The following NR3C2 variants were observed in gnomAD, a reference collection of about 807,000 sequenced individuals.
NR3C2 encodes the protein nuclear receptor subfamily 3 group C member 2, also known as mineralocorticoid receptor.
NR3C2 carries 15 observed loss-of-function variants against 86.4 expected under a neutral mutation model. The observed-to-expected ratio is 0.17, with a 90% CI of 0.12 to 0.27. NR3C2 has a LOEUF of 0.27. NR3C2 is among the 10% of genes least tolerant of loss of function. NR3C2 has a pLI of 1.00. For synonymous variants in NR3C2, 458 were observed against 450.5 expected (o/e 1.02, Z -0.21); for missense variants, 960 against 1,195.6 (o/e 0.80, Z 2.91).
intron 4 of NR3C2, among the ~76,000 whole-genome samples, chr4:148,170,283 C>A (rs1735063620): frequency 6.6e-6 from 1 of 151,982 alleles, no homozygotes; most frequent in African/African-American, 2.4e-5. Context: ...GTTGTTAAAG[C>A]AAGAATAGTG....
intron 2 of NR3C2, among the ~76,000 whole-genome samples, chr4:148,392,454 A>G (rs1289499305): frequency 6.6e-6 from 1 of 152,236 alleles, no homozygotes; most frequent in Admixed American, 6.5e-5. Context: ...CTTCTAAAGC[A>G]GTGATTCGGA....
chr4:148,203,224 T>C lies in NR3C2; in HGVS notation c.1898-8362A>G, dbSNP rs76938751. ...TCAAACATGGGAACTATATGTTTCG[T>C]AGAGCACCAAACTGGCTGCAAGTAC... On this transcript the variant is annotated intron_variant, in intron 3 of 8. Coordinates refer to ENST00000358102, the MANE Select transcript of NR3C2 (RefSeq NM_000901.5). Among the ~76,000 whole-genome samples, 1,152 of 152,192 alleles carry C rather than the reference T, an allele frequency of 7.6e-3. 10 individuals are homozygous for C. The highest frequency in any genetic ancestry group is 0.026 in the African/African-American group (1,068 of 41,514).
intron 6 of NR3C2, among the ~76,000 whole-genome samples, chr4:148,130,607 A>G (rs1732973518): frequency 6.6e-6 from 1 of 152,168 alleles, no homozygotes; most frequent in Non-Finnish European, 1.5e-5. Flanking sequence ...TGCATAGGTC[A>G]ACAATTATGT....
chr4:148,442,384 A>T lies in NR3C2; in HGVS notation c.-227T>A, dbSNP rs1195082307. On this transcript the variant is annotated 5_prime_UTR_variant, in exon 1 of 9. Coordinates refer to ENST00000358102, the MANE Select transcript of NR3C2 (RefSeq NM_000901.5). ...AAGTTGGCTCCCGTCTCCCGGGCCC[A>T]ATGACACCCCGGGCGCGGAGGGGCT... 2.6e-5 allele frequency: 4 copies of T among 153,306 alleles called. No homozygotes were observed. Among genetic ancestry groups the T allele is most frequent in the African/African-American group, 7.2e-5 (3 of 41,438 alleles). 9.5% of individuals were successfully genotyped at this position (153,306 alleles called of 1,614,324 possible).
At chr4:148,356,777 C>T (rs1223754711) in intron 2 of NR3C2, among the ~76,000 whole-genome samples, 2 of 152,158 alleles carry the variant, frequency 1.3e-5, no homozygotes, top group East Asian at 1.9e-4. Context: ...CACTTTCCCA[C>T]AACTCTCTGA....
At chr4:148,418,871 G>A (rs1749135361) in intron 2 of NR3C2, among the ~76,000 whole-genome samples, 2 of 152,114 alleles carry the variant, frequency 1.3e-5, no homozygotes, top group Admixed American at 1.3e-4. Flanking sequence ...ATGAGCAAGT[G>A]GAAGTATGAC....
At chr4:148,305,774 A>G (rs1004510762) in intron 2 of NR3C2, among the ~76,000 whole-genome samples, 2 of 152,234 alleles carry the variant, frequency 1.3e-5, no homozygotes, top group South Asian at 4.1e-4. Flanking sequence ...CACAGAAGTG[A>G]AGAAACACTG....
At chr4:148,156,967 A>C (rs1255043765) in intron 4 of NR3C2, among the ~76,000 whole-genome samples, 1 of 151,978 alleles carries the variant, frequency 6.6e-6, no homozygotes, top group Non-Finnish European at 1.5e-5. Flanking sequence ...ATGGAATACT[A>C]TGCAGCCATA....
At chr4:148,101,989 C>T (rs1028929750) in intron 8 of NR3C2, among the ~76,000 whole-genome samples, 4 of 152,188 alleles carry the variant, frequency 2.6e-5, no homozygotes, top group Admixed American at 2.0e-4. Context: ...CACTATTCTT[C>T]ACAACCACCT....
chr4:148,203,665 C>T (rs1294719338), intron 3 of NR3C2, among the ~76,000 whole-genome samples: 3 of 138,604 alleles, frequency 2.2e-5, no homozygotes, highest in South Asian at 2.8e-4. Context: ...CCCCGCCCCG[C>T]CCCCGTTCTT....
At chr4:148,426,961 C>CTT (rs1047403564) in intron 2 of NR3C2, among the ~76,000 whole-genome samples, 1 of 145,472 alleles carries the variant, frequency 6.9e-6, no homozygotes. Flanking sequence ...TTTTCTTTTT[C>CTT]TTTTTTTTTT....
intron 2 of NR3C2, among the ~76,000 whole-genome samples, chr4:148,315,837 T>C (rs1241311018): frequency 6.6e-6 from 1 of 152,188 alleles, no homozygotes. Context: ...GAGAATATGG[T>C]AAAATACAAT....
At chr4:148,245,055 T>C (rs765450540) in intron 3 of NR3C2, among the ~76,000 whole-genome samples, 2 of 152,196 alleles carry the variant, frequency 1.3e-5, no homozygotes, top group Admixed American at 6.5e-5. Flanking sequence ...TTATGTTTAG[T>C]GCTTGGAGGA....
At chr4:148,282,529 T>C (rs917540911) in intron 2 of NR3C2, among the ~76,000 whole-genome samples, 1 of 152,230 alleles carries the variant, frequency 6.6e-6, no homozygotes, top group Non-Finnish European at 1.5e-5. Context: ...AAAGTCAGTC[T>C]ATTCCTGCAA....
intron 2 of NR3C2, among the ~76,000 whole-genome samples, chr4:148,400,452 T>G (rs1044489183): frequency 6.6e-6 from 1 of 152,134 alleles, no homozygotes; most frequent in African/African-American, 2.4e-5. Flanking sequence ...AATCTTATAT[T>G]TTCATACATA....
At chr4:148,330,481 T>C (rs766281290) in intron 2 of NR3C2, among the ~76,000 whole-genome samples, 21 of 152,194 alleles carry the variant, frequency 1.4e-4, no homozygotes, top group Middle Eastern at 3.4e-3. Context: ...CCTCTTCCTG[T>C]GACAAGCAGG....
chr4:148,203,895 GAAGT>G (rs375245515), intron 3 of NR3C2, among the ~76,000 whole-genome samples: 50 of 152,256 alleles, frequency 3.3e-4, no homozygotes, highest in African/African-American at 1.0e-3. Flanking sequence ...ACTGACTTGA[GAAGT>G]AAGTACAGGT....
intron 3 of NR3C2, among the ~76,000 whole-genome samples, chr4:148,257,997 A>G (rs925741842): frequency 1.3e-5 from 2 of 152,204 alleles, no homozygotes; most frequent in Non-Finnish European, 2.9e-5. Context: ...TATAAAAATA[A>G]TTCCCTAGGT....
chr4:148,321,451 T>C (rs1206103016), intron 2 of NR3C2, among the ~76,000 whole-genome samples: 1 of 151,350 alleles, frequency 6.6e-6, no homozygotes, highest in African/African-American at 2.4e-5. Context: ...TTCTGTCTCT[T>C]TGATCCGTCT....
Sources: allele counts gnomAD v4.1 joint callset (sites outside exome capture counted in the v4.1 genomes callset), GRCh38; gene constraint gnomAD v4.1.1; transcripts MANE v1.5; gene names NCBI Gene and HGNC (gene_info 2026-07-23, HGNC 2026-07-21).